Variants in BSND observed in about 807,000 individuals in gnomAD.
The protein encoded by BSND is barttin.
In BSND, 13 loss-of-function variants were observed where a neutral mutation model predicts 18.8. The ratio of observed to expected loss-of-function variants is 0.69; its 90% CI spans 0.45 to 1.10. BSND has a LOEUF of 1.10. Among genes scored for constraint, BSND ranks in the 50% least tolerant of loss-of-function variants. The pLI, the probability that BSND is intolerant of heterozygous loss-of-function variation, is 0.00. For synonymous variants in BSND, 170 were observed against 161.8 expected (o/e 1.05, Z -0.39); for missense variants, 379 against 416.7 (o/e 0.91, Z 0.79).
intron 1 of BSND, among the ~76,000 whole-genome samples, chr1:55,002,629 ATCC>A: frequency 6.6e-6 from 1 of 152,296 alleles, no homozygotes; most frequent in Admixed American, 6.5e-5. Context: ...ATGGTCTGAT[ATCC>A]TCTCTCCAGC....
At chr1:55,003,878 T>C (rs1644375599) in intron 1 of BSND, among the ~76,000 whole-genome samples, 1 of 152,200 alleles carries the variant, frequency 6.6e-6, no homozygotes, top group African/African-American at 2.4e-5. Flanking sequence ...AACATAAAAG[T>C]TAGTGTCTTA....
Position 54,999,099 on chromosome 1 carries a change from C to A in BSND, c.-88C>A. 6.6e-7 allele frequency: 1 copy of A among 1,520,740 alleles called. No homozygotes were observed. Among genetic ancestry groups the A allele is most frequent in the Non-Finnish European group, 9.0e-7 (1 of 1,106,618 alleles). The allele number at this position is 1,520,740 out of a possible 1,614,324, so 94.2% of individuals were successfully genotyped here. A position where few individuals can be genotyped will look rare whatever the true frequency, so the allele number is the denominator to read the frequency against. On this transcript the variant is annotated 5_prime_UTR_variant, in exon 1 of 4. Coordinates refer to ENST00000651561, the MANE Select transcript of BSND (RefSeq NM_057176.3). ...TTGCAGCGATTTCAGTGTCTTCTCTCCCTGTGTAAGCCTGTCTCGGTGTTT... is the reference window on the plus strand; with the variant it reads ...TTGCAGCGATTTCAGTGTCTTCTCTACCTGTGTAAGCCTGTCTCGGTGTTT...
At position 55,010,932 on chromosome 1, in the gene BSND, T is replaced by C. The variant is rs1267770546; in HGVS notation, c.*2304T>C. On this transcript the variant is annotated 3_prime_UTR_variant, in exon 4 of 4. Transcript: ENST00000651561. ...AATTCTTTTCTTTAAAACCACCCCT[T>C]CCCTCGGGGCAGGATACGTGAGGCC... 6.6e-6 allele frequency: 1 copy of C among 152,216 alleles called. No homozygotes were observed. Among genetic ancestry groups the C allele is most frequent in the Non-Finnish European group, 1.5e-5 (1 of 68,040 alleles). The allele number at this position is 152,216 out of a possible 1,614,324, so 9.4% of individuals were successfully genotyped here.
Position 55,007,133 on chromosome 1 carries a change from G to A in BSND, c.409G>A (p.Gly137Arg), listed in dbSNP as rs749600956. Residue 137 changes from glycine to arginine, a missense_variant, in exon 3 of 4, where the codon GGG (glycine) becomes AGG (arginine). Gly to Arg is a moderately radical substitution (Grantham distance 125). Transcript: ENST00000651561. ...CCGCTCCTTGCTGGCCCCTGAGATG[G>A]GGCAGCCGAAGCTGGGAACCAGTGA... ...DHRSLLAPEM[G>R]QPKLGTSDGG... 2.5e-6 allele frequency: 4 copies of A among 1,614,070 alleles called. No homozygotes were observed. The highest frequency in any genetic ancestry group is 2.7e-5 in the African/African-American group (2 of 74,904).
At chr1:55,005,553 C>A (rs776895336) in intron 2 of BSND, among the ~76,000 whole-genome samples, 1 of 152,180 alleles carries the variant, frequency 6.6e-6, no homozygotes, top group South Asian at 2.1e-4. Context: ...CTCTCTTTGC[C>A]TCGTCTGTAA....
At chr1:55,003,055 T>TGATTAGGA (rs1180285001) in intron 1 of BSND, among the ~76,000 whole-genome samples, 1 of 12,660 alleles carries the variant, frequency 7.9e-5, no homozygotes. Context: ...ATGATGATGG[T>TGATTAGGA]GACGGTGATG....
chr1:55,003,753 T>C (rs1359205836), intron 1 of BSND, among the ~76,000 whole-genome samples: 1 of 152,236 alleles, frequency 6.6e-6, no homozygotes, highest in Non-Finnish European at 1.5e-5. Context: ...GTAGTTACTA[T>C]GTGCTGGGGA....
chr1:55,004,346 G>A (rs954212799), intron 1 of BSND, among the ~76,000 whole-genome samples: 1 of 152,230 alleles, frequency 6.6e-6, no homozygotes, highest in African/African-American at 2.4e-5. Context: ...GGAGCACAGA[G>A]AGACTGCGAA....
In BSND at chr1:55,011,653, C is replaced by T. The variant is rs778839219; in HGVS notation, c.*3025C>T. 4 of 152,232 alleles carry T rather than the reference C, an allele frequency of 2.6e-5. No individual in the cohort carries two copies. Among genetic ancestry groups the T allele is most frequent in the African/African-American group, 9.7e-5 (4 of 41,446 alleles). The allele number at this position is 152,232 out of a possible 1,614,324, so 9.4% of individuals were successfully genotyped here. On this transcript the variant is annotated 3_prime_UTR_variant, in exon 4 of 4. Coordinates refer to ENST00000651561, the MANE Select transcript of BSND (RefSeq NM_057176.3). ...TTGTTACTGGATTTGGGCCAGTGCTCAGTGGCTTGGCGAGGGTTTAAGAAG... is the reference window on the plus strand; with the variant it reads ...TTGTTACTGGATTTGGGCCAGTGCTTAGTGGCTTGGCGAGGGTTTAAGAAG...
rs1644448928 is a variant in BSND at position 55,016,063 on chromosome 1, G to A, written c.*7435G>A. 6.6e-6 allele frequency among the ~76,000 whole-genome samples: 1 copy of A among 152,208 alleles called. No homozygotes were observed. Among genetic ancestry groups the A allele is most frequent in the South Asian group, 2.1e-4 (1 of 4,830 alleles). ...AGTGAGTGACTGGGGACTGGACCAG[G>A]GCGGGCTGTGGTTGTTGCCCTGGAG... is the stretch of plus-strand genomic sequence containing the variant. On this transcript the variant is annotated 3_prime_UTR_variant, in exon 4 of 4. Transcript: ENST00000651561.
In BSND at chr1:55,012,710, C is replaced by T. The variant is rs554374562; in HGVS notation, c.*4082C>T. Among the ~76,000 whole-genome samples the T allele has an allele frequency of 1.6e-4, 25 of 152,272 alleles. No individual in the cohort carries two copies. Among genetic ancestry groups the T allele is most frequent in the Admixed American group, 4.6e-4 (7 of 15,298 alleles). ...GGAAGATGCATGTAAAAGCTTCTTG[C>T]AAGGGGTAAAGAAAGTCTGTGTGCC... is the stretch of plus-strand genomic sequence containing the variant. On this transcript the variant is annotated 3_prime_UTR_variant, in exon 4 of 4. Coordinates refer to ENST00000651561, the MANE Select transcript of BSND (RefSeq NM_057176.3).
At chr1:55,002,361 AG>A (rs1644365433) in intron 1 of BSND, among the ~76,000 whole-genome samples, 1 of 152,198 alleles carries the variant, frequency 6.6e-6, no homozygotes, top group Non-Finnish European at 1.5e-5. Flanking sequence ...AAGATGGGGC[AG>A]GGGAGCTGTG....
Position 54,999,245 on chromosome 1 carries a change from C to T in BSND, c.59C>T (p.Ala20Val). 1.9e-6 allele frequency: 3 copies of T among 1,614,152 alleles called. No homozygotes were observed. Among genetic ancestry groups the T allele is most frequent in the Non-Finnish European group, 2.5e-6 (3 of 1,180,018 alleles). ...GFIVLGLFLL[A>V]LGTFLMSHDR... is the part of the protein sequence containing the mutation. ...ATTGTGCTGGGGCTTTTCCTGCTGG[C>T]CCTCGGTACGTTCCTCATGAGCCAT... Residue 20 changes from alanine to valine, a missense_variant, in exon 1 of 4, where the codon GCC becomes GTC. Coordinates refer to ENST00000651561, the MANE Select transcript of BSND (RefSeq NM_057176.3).
intron 1 of BSND, among the ~76,000 whole-genome samples, chr1:55,004,608 A>G (rs1457959207): frequency 3.3e-5 from 5 of 152,208 alleles, no homozygotes; most frequent in Non-Finnish European, 5.9e-5. Flanking sequence ...GCAAAAACAC[A>G]TGACAATGAC....
rs1237548295 is a variant in BSND at position 55,008,289 on chromosome 1, C to T, written c.624C>T (p.Gly208=). 2 of 1,614,196 alleles carry T rather than the reference C, an allele frequency of 1.2e-6. No individual in the cohort carries two copies. Among genetic ancestry groups the T allele is most frequent in the Admixed American group, 3.3e-5 (2 of 60,024 alleles). ...QDDLDMDSSE[G]SSPNASPHDR... is the part of the protein sequence containing the mutation. ...ACCTGGACATGGACTCCAGTGAAGG[C>T]AGCAGCCCCAATGCATCTCCACATG... Residue 208 remains glycine (G), a synonymous_variant, in exon 4 of 4, where the codon GGC becomes GGT. Coordinates refer to ENST00000651561, the MANE Select transcript of BSND (RefSeq NM_057176.3).
At chr1:55,006,922 C>T (rs1256124896) in intron 2 of BSND, 75 bp from the exon 3 acceptor site, 6 of 1,607,210 alleles carry the variant, frequency 3.7e-6, no homozygotes, top group Middle Eastern at 2.1e-4. Context: ...ATACCCAAAG[C>T]AAACAGGGCC....
intron 2 of BSND, among the ~76,000 whole-genome samples, chr1:55,006,181 G>A (rs1313836970): frequency 6.6e-6 from 1 of 152,194 alleles, no homozygotes; most frequent in Non-Finnish European, 1.5e-5. Context: ...CTGCCTCAGT[G>A]GGAAGGAAGG....
At chr1:55,003,425 A>G (rs1200878475) in intron 1 of BSND, among the ~76,000 whole-genome samples, 2 of 152,144 alleles carry the variant, frequency 1.3e-5, no homozygotes, top group African/African-American at 4.8e-5. Context: ...TTGTAGAGAC[A>G]GCGTCTTTCT....
In BSND at chr1:55,007,018, T is replaced by C. The variant is rs1188080726; in HGVS notation, c.294T>C (p.Tyr98=). ...CCAGCCCCAGTCCCCAGCCGCCCTA[T>C]GTAAGGCTGTGGGAGGAAGCCGCCT... is the stretch of plus-strand genomic sequence containing the variant. ...EMKSPSPQPP[Y]VRLWEEAAYD... is the part of the protein sequence containing the mutation. Residue 98 remains tyrosine (Y), a synonymous_variant, in exon 3 of 4, where the codon TAT becomes TAC. Coordinates refer to ENST00000651561, the MANE Select transcript of BSND (RefSeq NM_057176.3). 1.2e-5 allele frequency: 20 copies of C among 1,613,986 alleles called. No homozygotes were observed. Among genetic ancestry groups the C allele is most frequent in the Middle Eastern group, 3.3e-4 (2 of 6,084 alleles).
Sources: gnomAD v4.1 joint callset for allele counts (sites outside exome capture counted in the v4.1 genomes callset) on GRCh38, gnomAD v4.1.1 for gene constraint, MANE v1.5 for transcripts, NCBI Gene and HGNC (gene_info 2026-07-23, HGNC 2026-07-21) for gene names.